The following DEFB106B variants were observed in gnomAD, a reference collection of about 807,000 sequenced individuals.
DEFB106B encodes beta-defensin 106.
At chr8:7,483,669 A>G (rs2128880300) in intron 1 of DEFB106B, among the ~76,000 whole-genome samples, 1 of 97,468 alleles carries the variant, frequency 1.0e-5, no homozygotes, top group African/African-American at 4.5e-5. Flanking sequence ...AAGTGAAAAT[A>G]CTCCACTATT....
intron 1 of DEFB106B, among the ~76,000 whole-genome samples, chr8:7,484,399 G>A (rs1811407179): frequency 6.8e-6 from 1 of 147,864 alleles, no homozygotes; most frequent in Non-Finnish European, 1.5e-5. Flanking sequence ...ATATACTTGT[G>A]TATTATACTA....
chr8:7,482,739 A>T lies in DEFB106B; in HGVS notation c.63T>A (p.Phe21Leu), dbSNP rs775132023. The T allele has an allele frequency of 6.8e-7, 1 of 1,464,124 alleles. No homozygotes were observed. The highest frequency in any genetic ancestry group is 9.2e-7 in the Non-Finnish European group (1 of 1,089,652). 90.7% of individuals were successfully genotyped at this position (1,464,124 alleles called of 1,614,324 possible). A position where few individuals can be genotyped will look rare whatever the true frequency, so the allele number is the denominator to read the frequency against. Residue 21 changes from phenylalanine (F) to leucine (L), a missense_variant, in exon 2 of 2, where the codon TTT (phenylalanine) becomes TTA (leucine). Coordinates refer to ENST00000335479, the MANE Select transcript of DEFB106B (RefSeq NM_001040704.2). The part of the protein sequence containing the change: ...LFFLTPAKNA[F>L]FDEKCNKLKG... ...TAAGTTTGTTGCATTTCTCATCAAA[A>T]AATGCATTCTTGGCTACACGAGGGA...
intron 1 of DEFB106B, among the ~76,000 whole-genome samples, chr8:7,484,871 CAA>C (rs71537817): frequency 9.2e-5 from 3 of 32,606 alleles, no homozygotes; most frequent in East Asian, 1.3e-3. Context: ...GACTCTATCT[CAA>C]AAAAAAAAAA....
At chr8:7,483,887 A>C (rs1469600055) in intron 1 of DEFB106B, among the ~76,000 whole-genome samples, 1 of 132,186 alleles carries the variant, frequency 7.6e-6, no homozygotes, top group Non-Finnish European at 1.6e-5. Flanking sequence ...AATAGTGTAT[A>C]CTATAGTATT....
At chr8:7,482,900 AT>A in intron 1 of DEFB106B, 148 bp from the exon 2 acceptor site, 1 of 1,527,182 alleles carries the variant, frequency 6.5e-7, no homozygotes, top group Non-Finnish European at 8.9e-7. Context: ...AGGGGACCTG[AT>A]TTTTATCTGA....
intron 1 of DEFB106B, among the ~76,000 whole-genome samples, chr8:7,484,459 T>C (rs913955932): frequency 7.0e-6 from 1 of 142,476 alleles, no homozygotes; most frequent in Non-Finnish European, 1.5e-5. Flanking sequence ...ATGTATACTA[T>C]GCTATATACT....
At chr8:7,484,088 A>G (rs1811383069) in intron 1 of DEFB106B, among the ~76,000 whole-genome samples, 1 of 126,136 alleles carries the variant, frequency 7.9e-6, no homozygotes, top group Non-Finnish European at 1.6e-5. Context: ...ACCAGTATAT[A>G]TACTATACTA....
At chr8:7,485,842 A>G (rs1305393138) in intron 1 of DEFB106B, among the ~76,000 whole-genome samples, 2 of 92,770 alleles carry the variant, frequency 2.2e-5, no homozygotes, top group Non-Finnish European at 4.3e-5. Context: ...AGGCGCTGGC[A>G]CTGGAAGACT....
chr8:7,484,824 A>G (rs1413225854), intron 1 of DEFB106B, among the ~76,000 whole-genome samples: 1 of 95,962 alleles, frequency 1.0e-5, no homozygotes, highest in East Asian at 2.8e-4. Context: ...GTGAGCTGAG[A>G]TTGTGAAACT....
At chr8:7,484,361 T>A (rs1310849565) in intron 1 of DEFB106B, among the ~76,000 whole-genome samples, 3 of 147,948 alleles carry the variant, frequency 2.0e-5, no homozygotes, top group Non-Finnish European at 4.5e-5. Context: ...TATATACTAG[T>A]GTATTATACT....
At position 7,484,250 on chromosome 8, in the gene DEFB106B, T is replaced by A. The variant is rs1165758253; in HGVS notation, c.50-1498A>T. Among the ~76,000 whole-genome samples the A allele has an allele frequency of 4.8e-4, 63 of 131,378 alleles. 1 individual carries two copies. Among genetic ancestry groups the A allele is most frequent in the African/African-American group, 1.8e-3 (60 of 32,742 alleles). The allele number at this position is 131,378 out of a possible 152,430, so 86.2% of individuals were successfully genotyped here. A position where few individuals can be genotyped will look rare whatever the true frequency, so the allele number is the denominator to read the frequency against. Reference sequence around the variant, plus strand: ...GTATATACACTATACTATATACTAGTGTATTATACTAGTATAATACACTAT... The same window carrying A: ...GTATATACACTATACTATATACTAGAGTATTATACTAGTATAATACACTAT... On this transcript the variant is annotated intron_variant, in intron 1 of 1. Coordinates refer to ENST00000335479, the MANE Select transcript of DEFB106B (RefSeq NM_001040704.2).
At chr8:7,484,373 G>T (rs1279576142) in intron 1 of DEFB106B, among the ~76,000 whole-genome samples, 2 of 147,306 alleles carry the variant, frequency 1.4e-5, no homozygotes, top group Non-Finnish European at 3.0e-5. Flanking sequence ...TATTATACTA[G>T]TATATACACT....
intron 1 of DEFB106B, among the ~76,000 whole-genome samples, chr8:7,484,078 A>G (rs1811382562): frequency 7.4e-6 from 1 of 135,702 alleles, no homozygotes; most frequent in African/African-American, 2.7e-5. Context: ...ATATTATCAT[A>G]CCAGTATATA....
intron 1 of DEFB106B, among the ~76,000 whole-genome samples, chr8:7,484,884 A>T (rs1406230275): frequency 4.3e-5 from 2 of 46,132 alleles, no homozygotes; most frequent in African/African-American, 1.2e-4. Flanking sequence ...AAAAAAAAAA[A>T]AATATGTATA....
At chr8:7,484,167 A>G (rs909583144) in intron 1 of DEFB106B, among the ~76,000 whole-genome samples, 5 of 114,936 alleles carry the variant, frequency 4.4e-5, no homozygotes, top group Non-Finnish European at 7.4e-5. Context: ...ATACTATACT[A>G]TATATTAGTG....
chr8:7,483,728 T>A lies in DEFB106B; in HGVS notation c.50-976A>T, dbSNP rs1374515143. Among the ~76,000 whole-genome samples the A allele has an allele frequency of 2.7e-5, 3 of 110,626 alleles. 1 individual carries two copies. Among genetic ancestry groups the A allele is most frequent in the African/African-American group, 1.2e-4 (3 of 26,030 alleles). 72.6% of individuals were successfully genotyped at this position (110,626 alleles called of 152,430 possible). ...CTCACTGGCAGGGGTCTATGTTCTCTCTGCCCTACTGTAAGGCAGATACTA... is the reference window on the plus strand; with the variant it reads ...CTCACTGGCAGGGGTCTATGTTCTCACTGCCCTACTGTAAGGCAGATACTA... On this transcript the variant is annotated intron_variant, in intron 1 of 1. Coordinates refer to ENST00000335479, the MANE Select transcript of DEFB106B (RefSeq NM_001040704.2).
chr8:7,485,542 G>A (rs2740038), intron 1 of DEFB106B, among the ~76,000 whole-genome samples: 23,866 of 135,414 alleles, frequency 0.18, 4 homozygotes, highest in East Asian at 0.26. Flanking sequence ...CTGGTCTTAA[G>A]CCTTAATTTT....
intron 1 of DEFB106B, among the ~76,000 whole-genome samples, chr8:7,484,890 GTATA>G (rs775001136): frequency 3.8e-5 from 3 of 78,382 alleles, no homozygotes; most frequent in African/African-American, 1.0e-4. Flanking sequence ...AAAAAAATAT[GTATA>G]TATATATATA....
chr8:7,484,905 T>A (rs1329165970), intron 1 of DEFB106B, among the ~76,000 whole-genome samples: 2 of 85,614 alleles, frequency 2.3e-5, no homozygotes, highest in African/African-American at 8.7e-5. Flanking sequence ...TATATATATA[T>A]AAAATATATA....
Sources: allele counts gnomAD v4.1 joint callset (sites outside exome capture counted in the v4.1 genomes callset), GRCh38; gene constraint gnomAD v4.1.1; transcripts MANE v1.5; gene names NCBI Gene and HGNC (gene_info 2026-07-23, HGNC 2026-07-21).